Variants in SNED1 observed in about 807,000 individuals in gnomAD.
The protein encoded by SNED1 is sushi, nidogen and EGF-like domain-containing protein 1.
A neutral mutation model predicts 166.7 loss-of-function variants in SNED1; 81 were observed. The ratio of observed to expected loss-of-function variants is 0.49; its 90% CI spans 0.41 to 0.58. The LOEUF is 0.58. SNED1 is among the 20% of genes least tolerant of loss of function. The pLI, the probability that SNED1 is intolerant of heterozygous loss-of-function variation, is 0.00. For missense variants in SNED1, 1,604 were observed against 2,000.2 expected, an observed-to-expected ratio of 0.80 and a Z score of 3.78; for synonymous variants, 762 against 822.0, an observed-to-expected ratio of 0.93 and a Z score of 1.25.
At chr2:241,036,213 G>A (rs1357243177) in intron 4 of SNED1, among the ~76,000 whole-genome samples, 1 of 151,876 alleles carries the variant, frequency 6.6e-6, no homozygotes, top group Non-Finnish European at 1.5e-5. Flanking sequence ...AGGTGGTGCC[G>A]CGACGAAGGA....
At chr2:241,082,392 C>T (rs1187802772) in intron 29 of SNED1, 28 bp downstream of exon 29, 1 of 1,569,934 alleles carries the variant, frequency 6.4e-7, no homozygotes, top group African/African-American at 1.4e-5. Flanking sequence ...CTCCGCCTTA[C>T]CGCATTTGTC....
intron 16 of SNED1, 117 bp from the exon 17 acceptor site, chr2:241,062,674 C>A: frequency 1.3e-6 from 1 of 754,208 alleles, no homozygotes; most frequent in South Asian, 1.5e-5. Flanking sequence ...TCTGGCCTTT[C>A]CAACCACTGA....
chr2:241,083,260 AC>A (rs1340602152), intron 29 of SNED1, among the ~76,000 whole-genome samples: 1 of 152,186 alleles, frequency 6.6e-6, no homozygotes, highest in Non-Finnish European at 1.5e-5. Flanking sequence ...GAGGACAGTT[AC>A]CAGGGCCCCA....
chr2:241,080,429 A>G (rs1206810827), intron 27 of SNED1, among the ~76,000 whole-genome samples: 2 of 152,210 alleles, frequency 1.3e-5, no homozygotes, highest in Non-Finnish European at 2.9e-5. Context: ...GTGACATCCC[A>G]TAATAGGGAG....
intron 1 of SNED1, among the ~76,000 whole-genome samples, chr2:241,005,258 C>T (rs1166887183): frequency 6.6e-6 from 1 of 152,050 alleles, no homozygotes; most frequent in Admixed American, 6.6e-5. Flanking sequence ...GGCTACAGTG[C>T]AGTGGCATGA....
intron 31 of SNED1, chr2:241,090,054 G>GA: frequency 6.5e-7 from 1 of 1,534,538 alleles, no homozygotes; most frequent in Non-Finnish European, 8.8e-7. Context: ...CCTGCAATAA[G>GA]AAATTAACCT....
chr2:241,023,084 CT>C (rs1206618468), intron 1 of SNED1, among the ~76,000 whole-genome samples: 1 of 151,594 alleles, frequency 6.6e-6, no homozygotes, highest in Non-Finnish European at 1.5e-5. Context: ...TTTTTTTCTT[CT>C]TTTACATAGG....
chr2:241,031,061 C>G (rs1441276824), intron 2 of SNED1, among the ~76,000 whole-genome samples: 4 of 152,228 alleles, frequency 2.6e-5, no homozygotes, highest in Non-Finnish European at 5.9e-5. Flanking sequence ...CAGGCCTGCA[C>G]TGGGCACTGG....
At chr2:241,033,912 C>T (rs777820843) in intron 3 of SNED1, 37 bp downstream of exon 3, 2 of 1,558,274 alleles carry the variant, frequency 1.3e-6, no homozygotes, top group Non-Finnish European at 1.7e-6. Context: ...GTTCAGAACC[C>T]CTGCTCCCCA....
rs2060027965 is a variant in SNED1 at position 240,999,949 on chromosome 2, TCACCACGGCCACCTCCAC to T, written c.213+902_213+919del. 6.6e-6 allele frequency among the ~76,000 whole-genome samples: 1 copy of T among 152,080 alleles called. No individual in the cohort carries two copies. Among genetic ancestry groups the T allele is most frequent in the South Asian group, 2.1e-4 (1 of 4,816 alleles). ...TCAAGTAGAGTCCCCTCCAGCTCCG[TCACCACGGCCACCTCCAC>T]CATCAGCCCTCTCATACCCTCGCCC... On this transcript the variant is annotated intron_variant, in intron 1 of 31. Transcript: ENST00000310397. This position sits in a 1 kb window ranked among gnomAD's most constrained non-coding sequence, Gnocchi z 5.8.
Position 241,051,695 on chromosome 2 carries a change from G to A in SNED1, c.1736-49G>A, listed in dbSNP as rs372315731. ...GCCAGGAGGGTATAGTGGCTCTGTG[G>A]GGCCAGCAGCCTGGCCCCGTTCATC... On this transcript the variant is annotated intron_variant, in intron 12 of 31. Transcript: ENST00000310397. The surrounding 1 kb of genome is among the most constrained non-coding windows in gnomAD (Gnocchi z 4.7). The A allele has an allele frequency of 1.6e-5, 22 of 1,382,772 alleles. No homozygotes were observed. Among genetic ancestry groups the A allele is most frequent in the Non-Finnish European group, 2.1e-5 (22 of 1,042,676 alleles). 85.7% of individuals were successfully genotyped at this position (1,382,772 alleles called of 1,614,324 possible).
chr2:241,030,101 G>A (rs1185422831), intron 1 of SNED1, among the ~76,000 whole-genome samples, 183 bp from the exon 2 acceptor site: 1 of 152,246 alleles, frequency 6.6e-6, no homozygotes, highest in Non-Finnish European at 1.5e-5. Flanking sequence ...ACAGGAGGGG[G>A]TGGAGCAGGC....
chr2:241,068,593 C>T lies in SNED1; in HGVS notation c.3195-318C>T, dbSNP rs922380206. 2.6e-5 allele frequency among the ~76,000 whole-genome samples: 4 copies of T among 152,002 alleles called. No homozygotes were observed. Among genetic ancestry groups the T allele is most frequent in the Non-Finnish European group, 5.9e-5 (4 of 67,970 alleles). ...CATCAACTCACCTGTGCTGAGGGCC[C>T]GTCCCCCATCCCTGCACAGTGACCA... On this transcript the variant is annotated intron_variant, in intron 22 of 31. Transcript: ENST00000310397. The surrounding 1 kb of genome is among the most constrained non-coding windows in gnomAD (Gnocchi z 5.3).
chr2:241,064,354 C>A lies in SNED1; in HGVS notation c.2599+229C>A, dbSNP rs1326124431. Among the ~76,000 whole-genome samples the A allele has an allele frequency of 1.3e-5, 2 of 152,156 alleles. No homozygotes were observed. The highest frequency in any genetic ancestry group is 2.9e-5 in the Non-Finnish European group (2 of 68,006). On this transcript the variant is annotated intron_variant, in intron 19 of 31. Transcript: ENST00000310397. This position sits in a 1 kb window ranked among gnomAD's most constrained non-coding sequence, Gnocchi z 7.0. ...CTCCCCATCTCCTGCGCTCACCCCCCAGACACCCCTCTTCACCCGAGGACA... is the reference window on the plus strand; with the variant it reads ...CTCCCCATCTCCTGCGCTCACCCCCAAGACACCCCTCTTCACCCGAGGACA...
chr2:240,997,895 G>C (rs571207085), upstream of SNED1, among the ~76,000 whole-genome samples: 209 of 151,708 alleles, frequency 1.4e-3, 1 homozygote, highest in Middle Eastern at 0.01. Context: ...AGCAGCCCAA[G>C]AGACAGGGGG....
chr2:241,060,013 A>G (rs1008644814), intron 16 of SNED1, among the ~76,000 whole-genome samples: 2 of 152,248 alleles, frequency 1.3e-5, no homozygotes, highest in Non-Finnish European at 2.9e-5. Flanking sequence ...AAGAAGCTAT[A>G]GAACTAACAA....
At chr2:241,023,464 C>T (rs911693667) in intron 1 of SNED1, among the ~76,000 whole-genome samples, 1 of 146,620 alleles carries the variant, frequency 6.8e-6, no homozygotes, top group Admixed American at 6.8e-5. Flanking sequence ...TTGGCAATTG[C>T]TTTATGGCCC....
Position 241,067,964 on chromosome 2 carries a change from A to C in SNED1, c.3194+17A>C. ...CACCTTTAGGTAAGAAGGGACACCC[A>C]GAGCATGGGGCTGGGGTGAAGGCAG... On this transcript the variant is annotated intron_variant, in intron 22 of 31. Coordinates refer to ENST00000310397, the MANE Select transcript of SNED1 (RefSeq NM_001080437.3). The C allele has an allele frequency of 1.3e-6, 2 of 1,590,148 alleles. No homozygotes were observed. The highest frequency in any genetic ancestry group is 1.1e-5 in the South Asian group (1 of 90,422).
At chr2:241,007,246 T>G (rs973265161) in intron 1 of SNED1, among the ~76,000 whole-genome samples, 51 of 151,986 alleles carry the variant, frequency 3.4e-4, no homozygotes, top group Admixed American at 3.3e-4. Context: ...TCCTCCTGAG[T>G]TTTTGGTGAT....
Sources: gnomAD v4.1 joint callset for allele counts (sites outside exome capture counted in the v4.1 genomes callset) on GRCh38, gnomAD v4.1.1 for gene constraint, Gnocchi (gnomAD v3.1) non-coding constraint, MANE v1.5 for transcripts, NCBI Gene and HGNC (gene_info 2026-07-23, HGNC 2026-07-21) for gene names.